Variants in SH3D19 observed in about 807,000 individuals in gnomAD.
The protein encoded by SH3D19 is SH3 domain-containing protein 19.
Under a neutral mutation model 112.1 loss-of-function variants are expected in SH3D19, and 58 were observed. The observed-to-expected ratio is 0.52, with a 90% CI of 0.42 to 0.64. SH3D19 has a LOEUF of 0.64. SH3D19 is among the 30% of genes least tolerant of loss of function. The probability of loss-of-function intolerance (pLI) is 0.00; values close to 1 mark genes in which losing one functional copy is unlikely to be tolerated. For missense variants in SH3D19, 1,090 were observed against 1,263.4 expected (o/e 0.86, Z 2.08); for synonymous variants, 391 against 448.5 (o/e 0.87, Z 1.62).
chr4:151,192,244 A>G (rs1762784670), intron 2 of SH3D19, among the ~76,000 whole-genome samples: 1 of 152,208 alleles, frequency 6.6e-6, no homozygotes, highest in African/African-American at 2.4e-5. Context: ...GCAAGAGTAC[A>G]GAATCTGTAG....
intron 1 of SH3D19, chr4:151,279,972 G>A: frequency 2.8e-6 from 4 of 1,427,512 alleles, no homozygotes; most frequent in Non-Finnish European, 3.7e-6. Flanking sequence ...AGTTCTAGCT[G>A]GCAGCTAACA....
At position 151,174,189 on chromosome 4, in the gene SH3D19, G is replaced by C. The variant is rs1391250746; in HGVS notation, c.1534+481C>G. On this transcript the variant is annotated intron_variant, in intron 7 of 19. Coordinates refer to ENST00000604030, the MANE Select transcript of SH3D19 (RefSeq NM_001378122.1). ...CCCCTCTCCCAGCACTCCCAGCTGA[G>C]GCCCATTTCATCTGAGGAGCCCCTC... is the stretch of plus-strand genomic sequence containing the variant. Among the ~76,000 whole-genome samples the C allele has an allele frequency of 2.0e-5, 3 of 152,176 alleles. No homozygotes were observed. In the East Asian group the frequency reaches 5.8e-4, roughly 29 times the overall value.
At chr4:151,289,951 C>T (rs1775160875) in intron 1 of SH3D19, among the ~76,000 whole-genome samples, 1 of 152,116 alleles carries the variant, frequency 6.6e-6, no homozygotes, top group South Asian at 2.1e-4. Context: ...CAAGTGTTCA[C>T]AGCAGCATGA....
intron 2 of SH3D19, among the ~76,000 whole-genome samples, chr4:151,215,473 C>T (rs938412810): frequency 1.3e-5 from 2 of 152,208 alleles, no homozygotes; most frequent in African/African-American, 4.8e-5. Flanking sequence ...TACTCTGAAG[C>T]CTCCAAACAA....
At chr4:151,260,094 T>C (rs1182736786) in intron 1 of SH3D19, among the ~76,000 whole-genome samples, 1 of 152,228 alleles carries the variant, frequency 6.6e-6, no homozygotes, top group Non-Finnish European at 1.5e-5. Context: ...TTATTTTATT[T>C]GTATGCATTT....
At chr4:151,303,620 A>C (rs2126338955) in intron 1 of SH3D19, among the ~76,000 whole-genome samples, 1 of 152,318 alleles carries the variant, frequency 6.6e-6, no homozygotes, top group Middle Eastern at 3.4e-3. Flanking sequence ...ATTATGTTTT[A>C]ACATGACTGA....
Position 151,191,727 on chromosome 4 carries a change from G to A in SH3D19, c.153-4264C>T, listed in dbSNP as rs111372990. Among the ~76,000 whole-genome samples, 452 of 151,784 alleles carry A rather than the reference G, an allele frequency of 3.0e-3. 1 individual carries two copies. Among genetic ancestry groups the A allele is most frequent in the African/African-American group, 0.01 (430 of 41,368 alleles). On this transcript the variant is annotated intron_variant, in intron 2 of 19. Transcript: ENST00000604030. ...GTGGCGCAATCTCGGCTCACTGCAA[G>A]CTTCACCTCCCAGGTTCATGCCATT... is the stretch of plus-strand genomic sequence containing the variant.
chr4:151,171,748 G>C (rs1471507014), intron 7 of SH3D19, among the ~76,000 whole-genome samples: 1 of 152,160 alleles, frequency 6.6e-6, no homozygotes, highest in Non-Finnish European at 1.5e-5. Flanking sequence ...TCTGTTAATA[G>C]CAGAAATTGG....
chr4:151,203,065 G>C (rs1218870963), intron 2 of SH3D19, among the ~76,000 whole-genome samples: 3 of 152,136 alleles, frequency 2.0e-5, no homozygotes, highest in African/African-American at 7.2e-5. Context: ...GACTGTTGGT[G>C]GTGGGGTTAG....
At chr4:151,132,948 G>T in intron 16 of SH3D19, 86 bp downstream of exon 16, 1 of 1,121,736 alleles carries the variant, frequency 8.9e-7, no homozygotes, top group East Asian at 2.6e-5. Flanking sequence ...TGGCAATATG[G>T]ATTATTATAC....
At chr4:151,151,149 C>G (rs768212593) in intron 9 of SH3D19, among the ~76,000 whole-genome samples, 3 of 152,048 alleles carry the variant, frequency 2.0e-5, no homozygotes, top group Non-Finnish European at 4.4e-5. Flanking sequence ...TCAGTAGAGA[C>G]GACGTTTCAC....
intron 2 of SH3D19, among the ~76,000 whole-genome samples, chr4:151,187,982 CTCTCTCCCCCTTCTT>C (rs1762054581): frequency 6.6e-6 from 1 of 152,108 alleles, no homozygotes; most frequent in South Asian, 2.1e-4. Context: ...CTCCCTGTCT[CTCTCTCCCCCTTCTT>C]TCTCTCCCTT....
At chr4:151,150,949 C>T (rs1182661182) in intron 9 of SH3D19, among the ~76,000 whole-genome samples, 1 of 146,862 alleles carries the variant, frequency 6.8e-6, no homozygotes, top group African/African-American at 2.6e-5. Context: ...AAAAAGCCCT[C>T]ACAAAATTCT....
chr4:151,159,422 G>T, intron 8 of SH3D19, 70 bp from the exon 9 acceptor site: 1 of 915,988 alleles, frequency 1.1e-6, no homozygotes, highest in Non-Finnish European at 1.7e-6. Context: ...AATGATTGCT[G>T]CTTAGTTTAT....
chr4:151,160,297 C>T (rs1201541731), intron 8 of SH3D19, among the ~76,000 whole-genome samples: 1 of 152,066 alleles, frequency 6.6e-6, no homozygotes, highest in Admixed American at 6.5e-5. Context: ...CCGTGTTAGC[C>T]AGGATGGTCT....
intron 1 of SH3D19, among the ~76,000 whole-genome samples, chr4:151,299,346 C>T (rs905326615): frequency 3.3e-5 from 5 of 151,984 alleles, no homozygotes; most frequent in Non-Finnish European, 7.4e-5. Context: ...TTTGGGAGGC[C>T]GAGGCGGGCG....
chr4:151,180,257 T>G (rs2149835881), intron 3 of SH3D19, among the ~76,000 whole-genome samples: 1 of 152,302 alleles, frequency 6.6e-6, no homozygotes, highest in Non-Finnish European at 1.5e-5. Flanking sequence ...ATAGCACATA[T>G]TATTGTATAT....
intron 1 of SH3D19, among the ~76,000 whole-genome samples, chr4:151,251,903 C>T (rs779684799): frequency 2.0e-5 from 3 of 152,192 alleles, no homozygotes; most frequent in Non-Finnish European, 4.4e-5. Flanking sequence ...TCCATAAGTC[C>T]TCAATACCTC....
chr4:151,234,748 T>G (rs1298968337), intron 1 of SH3D19, among the ~76,000 whole-genome samples: 19 of 126,238 alleles, frequency 1.5e-4, no homozygotes, highest in African/African-American at 5.4e-4. Context: ...TTTTTTTTTT[T>G]TTTTTTTTTT....
Sources: allele counts gnomAD v4.1 joint callset (sites outside exome capture counted in the v4.1 genomes callset), GRCh38; gene constraint gnomAD v4.1.1; transcripts MANE v1.5; gene names NCBI Gene and HGNC (gene_info 2026-07-23, HGNC 2026-07-21).